The following GPC6 variants were observed in gnomAD, a reference collection of about 807,000 sequenced individuals.
GPC6 encodes the protein glypican-6.
In GPC6, 14 loss-of-function variants were observed where a neutral mutation model predicts 55.2. That is an observed-to-expected ratio of 0.25 (90% CI 0.17 to 0.40). The LOEUF (loss-of-function observed/expected upper bound fraction) is 0.40. Among genes scored for constraint, GPC6 ranks in the 10% least tolerant of loss-of-function variants. The pLI, the probability that GPC6 is intolerant of heterozygous loss-of-function variation, is 1.00. For missense variants in GPC6, 641 were observed against 708.5 expected (o/e 0.90, Z 1.08); for synonymous variants, 278 against 259.6 (o/e 1.07, Z -0.68).
chr13:93,278,802 A>G (rs566791103), intron 1 of GPC6, among the ~76,000 whole-genome samples: 218 of 152,342 alleles, frequency 1.4e-3, no homozygotes, highest in Non-Finnish European at 2.7e-3. Flanking sequence ...GTTGTATTAT[A>G]TGCGGGATTC....
intron 4 of GPC6, among the ~76,000 whole-genome samples, chr13:94,252,540 G>A (rs1432898975): frequency 6.6e-6 from 1 of 152,078 alleles, no homozygotes; most frequent in African/African-American, 2.4e-5. Flanking sequence ...TTTCAATGCT[G>A]AAATTGATGG....
intron 1 of GPC6, among the ~76,000 whole-genome samples, chr13:93,496,318 C>G (rs937708647): frequency 3.3e-5 from 5 of 152,134 alleles, no homozygotes; most frequent in Admixed American, 6.5e-5. Flanking sequence ...TTCTTTGACT[C>G]GGAAAAGGAA....
chr13:93,720,606 A>C (rs928053421), intron 2 of GPC6, among the ~76,000 whole-genome samples: 15 of 151,840 alleles, frequency 9.9e-5, no homozygotes, highest in African/African-American at 1.7e-4. Flanking sequence ...GTCTTCTGCT[A>C]GCTTCTGAAT....
intron 3 of GPC6, among the ~76,000 whole-genome samples, chr13:93,958,037 C>T (rs909180437): frequency 2.0e-5 from 3 of 152,076 alleles, no homozygotes; most frequent in Admixed American, 6.6e-5. Flanking sequence ...TGTTCATGTC[C>T]TTTGCCTAAT....
At chr13:93,284,049 T>G (rs1878034417) in intron 1 of GPC6, among the ~76,000 whole-genome samples, 1 of 152,196 alleles carries the variant, frequency 6.6e-6, no homozygotes, top group Non-Finnish European at 1.5e-5. Flanking sequence ...TTGAATGTTG[T>G]TAGTTTACTG....
intron 1 of GPC6, among the ~76,000 whole-genome samples, chr13:93,383,413 C>A (rs1385933134): frequency 6.6e-6 from 1 of 152,100 alleles, no homozygotes; most frequent in African/African-American, 2.4e-5. Context: ...GAGGGAGTCT[C>A]GCCATGTTGC....
chr13:94,169,101 G>A (rs1416193596), intron 4 of GPC6, among the ~76,000 whole-genome samples: 5 of 152,212 alleles, frequency 3.3e-5, no homozygotes. Flanking sequence ...TGTCTTTCAT[G>A]AAGGCTTGAG....
At chr13:93,684,538 T>TA (rs1344789565) in intron 2 of GPC6, among the ~76,000 whole-genome samples, 4 of 152,170 alleles carry the variant, frequency 2.6e-5, no homozygotes, top group Non-Finnish European at 5.9e-5. Flanking sequence ...TTATAAAGAT[T>TA]AAAATGAATA....
At chr13:93,958,094 C>G (rs1201209843) in intron 3 of GPC6, among the ~76,000 whole-genome samples, 2 of 152,024 alleles carry the variant, frequency 1.3e-5, no homozygotes, top group Non-Finnish European at 2.9e-5. Context: ...GTTTAAGTTC[C>G]TTATAGAGTC....
At chr13:93,724,171 C>T (rs1337874403) in intron 2 of GPC6, among the ~76,000 whole-genome samples, 1 of 151,664 alleles carries the variant, frequency 6.6e-6, no homozygotes, top group Non-Finnish European at 1.5e-5. Flanking sequence ...CTTCAGATTC[C>T]CTGACTAAAT....
chr13:94,369,790 T>C (rs1190805899), intron 6 of GPC6, among the ~76,000 whole-genome samples: 1 of 152,134 alleles, frequency 6.6e-6, no homozygotes, highest in African/African-American at 2.4e-5. Flanking sequence ...AAATGAGTTT[T>C]GGTGTTTTTT....
intron 1 of GPC6, among the ~76,000 whole-genome samples, chr13:93,234,872 T>C (rs1805153339): frequency 6.6e-6 from 1 of 152,182 alleles, no homozygotes; most frequent in African/African-American, 2.4e-5. Context: ...CTATTAACAG[T>C]ATCAGTGTCA....
chr13:93,911,975 A>G (rs1349564332), intron 3 of GPC6, among the ~76,000 whole-genome samples: 1 of 152,198 alleles, frequency 6.6e-6, no homozygotes, highest in Non-Finnish European at 1.5e-5. Context: ...TGAGGGAGTG[A>G]TGGGAGATAC....
At chr13:94,080,484 A>C (rs1328826) in intron 4 of GPC6, among the ~76,000 whole-genome samples, 28,520 of 152,196 alleles carry the variant, frequency 0.19, 2,799 homozygotes, top group South Asian at 0.26. Flanking sequence ...ATAAATAAAT[A>C]CCAGTGGCAA....
chr13:93,674,166 C>T (rs1404825610), intron 2 of GPC6, among the ~76,000 whole-genome samples: 1 of 152,096 alleles, frequency 6.6e-6, no homozygotes, highest in African/African-American at 2.4e-5. Context: ...TTTAGGTCAT[C>T]AGGCTGCGTG....
intron 2 of GPC6, among the ~76,000 whole-genome samples, chr13:93,779,178 G>A (rs1594449731): frequency 6.6e-6 from 1 of 152,116 alleles, no homozygotes; most frequent in Non-Finnish European, 1.5e-5. Flanking sequence ...TTTCTCGAGA[G>A]AAAGGACTGA....
chr13:93,758,812 G>A (rs1884864630), intron 2 of GPC6, among the ~76,000 whole-genome samples: 2 of 151,940 alleles, frequency 1.3e-5, no homozygotes, highest in Admixed American at 6.6e-5. Context: ...TGACCTACTG[G>A]CATTTCCTAA....
intron 4 of GPC6, among the ~76,000 whole-genome samples, chr13:94,090,802 C>T (rs1425999903): frequency 6.6e-6 from 1 of 152,080 alleles, no homozygotes. Flanking sequence ...AAGATTAAGA[C>T]CCCAGCTGTC....
intron 2 of GPC6, among the ~76,000 whole-genome samples, chr13:93,662,202 T>G (rs1334369368): frequency 1.3e-5 from 2 of 152,234 alleles, no homozygotes; most frequent in Admixed American, 1.3e-4. Flanking sequence ...TTTCTGTTAT[T>G]CATAAATACA....
Sources: gnomAD v4.1 joint callset for allele counts (sites outside exome capture counted in the v4.1 genomes callset) on GRCh38, gnomAD v4.1.1 for gene constraint, MANE v1.5 for transcripts, NCBI Gene and HGNC (gene_info 2026-07-23, HGNC 2026-07-21) for gene names.